CUBN: variants seen among roughly 807,000 people sequenced by gnomAD.
The protein encoded by CUBN is cubilin.
CUBN carries 282 observed loss-of-function variants against 405.3 expected under a neutral mutation model. The ratio of observed to expected loss-of-function variants is 0.70; its 90% CI spans 0.63 to 0.77. The LOEUF (loss-of-function observed/expected upper bound fraction) is 0.77. CUBN is among the 30% of genes least tolerant of loss of function. The pLI is 0.00. For synonymous variants in CUBN, 1,684 were observed against 1,617.0 expected (o/e 1.04, Z -0.99); for missense variants, 4,514 against 4,475.2 (o/e 1.01, Z -0.25).
intron 28 of CUBN, among the ~76,000 whole-genome samples, chr10:17,018,341 G>A (rs1382780259): frequency 6.6e-6 from 1 of 152,122 alleles, no homozygotes; most frequent in African/African-American, 2.4e-5. Flanking sequence ...TCTTGGTCTC[G>A]CTGACTTCAA....
intron 28 of CUBN, among the ~76,000 whole-genome samples, chr10:17,012,578 G>C (rs1044017482): frequency 6.6e-6 from 1 of 152,156 alleles, no homozygotes; most frequent in Non-Finnish European, 1.5e-5. Flanking sequence ...GTGGTAGTAG[G>C]ATAATGCATG....
At position 16,937,731 on chromosome 10, in the gene CUBN, G is replaced by T. The variant is rs143697792; in HGVS notation, c.5787C>A (p.Thr1929=). ...HARLIGAYCG[T]QTESFSSTGN... ...CAGTGGAGCTGAAAGATTCAGTCTG[G>T]GTACCACAGTAAGCTCCAATTAGGC... Residue 1929 remains threonine, a synonymous_variant, in exon 39 of 67, where the codon ACC becomes ACA. Coordinates refer to ENST00000377833, the MANE Select transcript of CUBN (RefSeq NM_001081.4). 1.6e-5 allele frequency: 26 copies of T among 1,613,890 alleles called. No individual in the cohort carries two copies. The highest frequency in any genetic ancestry group is 2.1e-5 in the Non-Finnish European group (25 of 1,179,992).
At chr10:17,024,216 C>T (rs1027140833) in intron 27 of CUBN, among the ~76,000 whole-genome samples, 2 of 152,134 alleles carry the variant, frequency 1.3e-5, no homozygotes, top group African/African-American at 2.4e-5. Context: ...AAAGACACCA[C>T]GTGTGGTCAA....
At chr10:16,864,897 A>T (rs1289167592) in intron 59 of CUBN, among the ~76,000 whole-genome samples, 1 of 130,702 alleles carries the variant, frequency 7.7e-6, no homozygotes, top group African/African-American at 2.9e-5. Flanking sequence ...TGATTCACAC[A>T]CCTCGGCCTC....
At chr10:16,983,314 C>A (rs1833330865) in intron 30 of CUBN, among the ~76,000 whole-genome samples, 1 of 151,946 alleles carries the variant, frequency 6.6e-6, no homozygotes, top group Middle Eastern at 3.2e-3. Context: ...ACATAATTAA[C>A]TTTAGGGGAG....
At chr10:17,069,648 A>G (rs1213334206) in intron 19 of CUBN, among the ~76,000 whole-genome samples, 1 of 152,124 alleles carries the variant, frequency 6.6e-6, no homozygotes, top group African/African-American at 2.4e-5. Flanking sequence ...GGCTCAAGTG[A>G]TCCTCCTACC....
chr10:17,013,600 T>C (rs1834247269), intron 28 of CUBN, among the ~76,000 whole-genome samples: 1 of 152,150 alleles, frequency 6.6e-6, no homozygotes, highest in Admixed American at 6.5e-5. Flanking sequence ...TTCCTTGTGG[T>C]ATTTAATAGG....
intron 28 of CUBN, among the ~76,000 whole-genome samples, chr10:17,008,238 GGT>G (rs55936618): frequency 2.8e-3 from 222 of 80,698 alleles, no homozygotes; most frequent in Middle Eastern, 0.025. Flanking sequence ...GCCCGTGTGT[GGT>G]GTGTGTGTGT....
At position 17,072,678 on chromosome 10, in the gene CUBN, T is replaced by G. The variant is rs528778529; in HGVS notation, c.2302-707A>C. ...TCATAAATACATTCAAGAACTGTTTTTTTGAGGAAGGTTATGGGTGGGGAT... is the reference window on the plus strand; with the variant it reads ...TCATAAATACATTCAAGAACTGTTTGTTTGAGGAAGGTTATGGGTGGGGAT... On this transcript the variant is annotated intron_variant, in intron 17 of 66. Transcript: ENST00000377833. Among the ~76,000 whole-genome samples the G allele has an allele frequency of 3.3e-5, 5 of 152,298 alleles. No individual in the cohort carries two copies. In the South Asian group the frequency reaches 1.0e-3, roughly 32 times the overall value.
intron 13 of CUBN, among the ~76,000 whole-genome samples, chr10:17,102,453 A>G (rs1836516188): frequency 6.6e-6 from 1 of 150,920 alleles, no homozygotes; most frequent in South Asian, 2.1e-4. Flanking sequence ...TACCTGGCTA[A>G]TTTTTGTCAT....
chr10:17,058,079 G>A (rs866801471), intron 22 of CUBN, among the ~76,000 whole-genome samples: 13 of 151,948 alleles, frequency 8.6e-5, no homozygotes, highest in Middle Eastern at 6.8e-3. Flanking sequence ...CTGAGATCGC[G>A]CCACTGCACT....
At chr10:16,828,655 T>A (rs567403451) in intron 66 of CUBN, 150 bp downstream of exon 66, 1 of 674,396 alleles carries the variant, frequency 1.5e-6, no homozygotes, top group South Asian at 1.7e-5. Flanking sequence ...GAGGCGGAGG[T>A]TGCAGTGAGT....
intron 28 of CUBN, among the ~76,000 whole-genome samples, chr10:17,017,414 T>C: frequency 6.6e-6 from 1 of 152,164 alleles, no homozygotes; most frequent in African/African-American, 2.4e-5. Flanking sequence ...CTTGAAAACC[T>C]GTTAGAGTCC....
intron 56 of CUBN, among the ~76,000 whole-genome samples, chr10:16,887,756 C>T (rs1840862361): frequency 6.6e-6 from 1 of 152,122 alleles, no homozygotes; most frequent in Non-Finnish European, 1.5e-5. Context: ...TCAGCGTGTC[C>T]AAGAGATTAT....
At chr10:16,987,541 A>C (rs997590889) in intron 29 of CUBN, among the ~76,000 whole-genome samples, 6 of 151,996 alleles carry the variant, frequency 3.9e-5, no homozygotes, top group Non-Finnish European at 7.4e-5. Context: ...CACTTTCCGG[A>C]CTCTGATTTT....
chr10:17,089,267 T>C (rs190458642), intron 14 of CUBN, among the ~76,000 whole-genome samples: 3 of 152,260 alleles, frequency 2.0e-5, no homozygotes, highest in Admixed American at 1.3e-4. Context: ...TGAGAAAACA[T>C]CTCAGTTCTT....
rs376727720 is a variant in CUBN, at chr10:16,824,646, G to C, written c.*329C>G. ...AGCAATTCTCCTGCCTCAGCCTCTC[G>C]AGTGGCTGGAATTACAGGCACCCAC... On this transcript the variant is annotated 3_prime_UTR_variant, in exon 67 of 67. Transcript: ENST00000377833. 58 of 339,978 alleles carry C rather than the reference G, an allele frequency of 1.7e-4. No individual in the cohort carries two copies. The highest frequency in any genetic ancestry group is 1.1e-4 in the Non-Finnish European group (19 of 173,234). The allele number at this position is 339,978 out of a possible 1,614,324, so 21.1% of individuals were successfully genotyped here.
chr10:16,887,037 C>A (rs188828678), intron 56 of CUBN, among the ~76,000 whole-genome samples: 3 of 152,226 alleles, frequency 2.0e-5, no homozygotes, highest in African/African-American at 7.2e-5. Context: ...ATCTGCCCAC[C>A]TTGGCCTCCC....
At chr10:16,831,218 C>T in intron 65 of CUBN, 34 bp downstream of exon 65, 1 of 1,605,342 alleles carries the variant, frequency 6.2e-7, no homozygotes, top group Non-Finnish European at 8.5e-7. Flanking sequence ...GTTTTTCTCA[C>T]AGTGCTTTCC....
Sources: allele counts gnomAD v4.1 joint callset (sites outside exome capture counted in the v4.1 genomes callset), GRCh38; gene constraint gnomAD v4.1.1; transcripts MANE v1.5; gene names NCBI Gene and HGNC (gene_info 2026-07-23, HGNC 2026-07-21).